The following PRAMEF9 variants were observed in gnomAD, a reference collection of about 807,000 sequenced individuals.
PRAMEF9 encodes the protein PRAME family member 9, also known as PRAME family member 9/15.
PRAMEF9 carries 1 observed loss-of-function variant against 10.9 expected under a neutral mutation model. That is an observed-to-expected ratio of 0.09 (90% CI 0.03 to 0.44). The LOEUF (loss-of-function observed/expected upper bound fraction) is 0.44, where lower values mean the gene tolerates loss of function less well. Ranked by LOEUF, PRAMEF9 falls within the 20% of genes least tolerant of loss-of-function variation. PRAMEF9 has a pLI of 0.97. For synonymous variants in PRAMEF9, 40 were observed against 148.3 expected (o/e 0.27, Z 5.31); for missense variants, 126 against 379.8 (o/e 0.33, Z 5.55).
At chr1:13,172,571 C>G (rs1382143052) in intron 1 of PRAMEF9, 39 bp downstream of exon 1, 11 of 139,886 alleles carry the variant, frequency 7.9e-5, no homozygotes, top group African/African-American at 1.5e-4. Flanking sequence ...CCCATCTGAC[C>G]TACAGTCAGT....
rs1286816303 is a variant in PRAMEF9, at chr1:13,172,211, A to C, written c.-338A>C. The C allele has an allele frequency of 2.8e-5, 4 of 144,620 alleles. 1 individual carries two copies. The Admixed American group carries it at 2.8e-4, about 10-fold the overall frequency. 9.0% of individuals were successfully genotyped at this position (144,620 alleles called of 1,614,324 possible). ...TATTCTTGACTTCTACCCTATCCCT[A>C]ACACTGTCAATTTCTTGCTTCGTGA... is the stretch of plus-strand genomic sequence containing the variant. On this transcript the variant is annotated 5_prime_UTR_variant, in exon 1 of 4. Transcript: ENST00000415919.
chr1:13,178,087 CCTT>C lies in PRAMEF9; in HGVS notation c.876-480_876-478del, dbSNP rs1373191401. The C allele has an allele frequency of 7.3e-5, 3 of 40,872 alleles. 1 individual carries two copies. The highest frequency in any genetic ancestry group is 1.6e-4 in the African/African-American group (3 of 18,990). 2.5% of individuals were successfully genotyped at this position (40,872 alleles called of 1,614,324 possible). On this transcript the variant is annotated intron_variant, in intron 3 of 3. Transcript: ENST00000415919. The stretch of plus-strand genomic sequence containing the variant: ...AGCCTCAAATGGAATTATTTTTTTT[CCTT>C]CTTTTTTTTTAATACAGAGTCTCTC...
In PRAMEF9 at chr1:13,176,979, T is replaced by C; in HGVS notation, c.875+157T>C. ...TCCTGTTGGCGGCCCTGTCCTGAAA[T>C]GGGTATCATGCAACCATCCCAATAG... is the stretch of plus-strand genomic sequence containing the variant. On this transcript the variant is annotated intron_variant, in intron 3 of 3. Transcript: ENST00000415919. 3 of 345,066 alleles carry C rather than the reference T, an allele frequency of 8.7e-6. 1 individual carries two copies. Among genetic ancestry groups the C allele is most frequent in the South Asian group, 8.7e-5 (3 of 34,656 alleles). 21.4% of individuals were successfully genotyped at this position (345,066 alleles called of 1,614,324 possible).
rs1294768436 is a variant in PRAMEF9 at position 13,175,180 on chromosome 1, C to A, written c.-16-85C>A. ...GAGGGCTGTTTCACCATTGCCAGAG[C>A]AGTGAGTTTGGCCATAGGAGAAGAT... On this transcript the variant is annotated intron_variant, in intron 1 of 3. Coordinates refer to ENST00000415919, the MANE Select transcript of PRAMEF9 (RefSeq NM_001010890.3). The A allele has an allele frequency of 4.6e-4, 609 of 1,324,854 alleles. 64 individuals are homozygous for A. Among genetic ancestry groups the A allele is most frequent in the Non-Finnish European group, 2.4e-4 (221 of 939,682 alleles). The allele number at this position is 1,324,854 out of a possible 1,614,324, so 82.1% of individuals were successfully genotyped here. A position where few individuals can be genotyped will look rare whatever the true frequency, so the allele number is the denominator to read the frequency against.
Position 13,179,093 on chromosome 1 carries a change from G to T in PRAMEF9, c.1398G>T (p.Arg466Ser), listed in dbSNP as rs782776658. ...ACAACTGCCCTGACTGTGGCAACAG[G>T]TCATTTTATGACCTGGAGGCAGATC... ...CIDNCPDCGN[R>S]SFYDLEADQY... The change falls in exon 4 of 4, where the codon AGG becomes AGT. Residue 466 changes from arginine to serine, a missense_variant. By Grantham distance (110) the Arg-to-Ser change is moderately radical. Coordinates refer to ENST00000415919, the MANE Select transcript of PRAMEF9 (RefSeq NM_001010890.3). The T allele has an allele frequency of 1.3e-6, 2 of 1,541,208 alleles. No individual in the cohort carries two copies. Among genetic ancestry groups the T allele is most frequent in the Admixed American group, 1.7e-5 (1 of 58,270 alleles).
rs782628774 is a variant in PRAMEF9 at position 13,179,082 on chromosome 1, T to G, written c.1387T>G (p.Cys463Gly). The change falls in exon 4 of 4, where the codon TGT becomes GGT. Residue 463 changes from cysteine (C) to glycine (G), a missense_variant. By Grantham distance (159) the Cys-to-Gly change is radical (BLOSUM62 -3). Coordinates refer to ENST00000415919, the MANE Select transcript of PRAMEF9 (RefSeq NM_001010890.3). ...IFFCIDNCPD[C>G]GNRSFYDLEA... Reference sequence around the variant, plus strand: ...TTTCTGTATTGACAACTGCCCTGACTGTGGCAACAGGTCATTTTATGACCT... The same window carrying G: ...TTTCTGTATTGACAACTGCCCTGACGGTGGCAACAGGTCATTTTATGACCT... 1.9e-6 allele frequency: 3 copies of G among 1,541,336 alleles called. No individual in the cohort carries two copies. Among genetic ancestry groups the G allele is most frequent in the Non-Finnish European group, 2.7e-6 (3 of 1,122,744 alleles).
intron 1 of PRAMEF9, 141 bp from the exon 2 acceptor site, chr1:13,175,124 C>T (rs2100354038): frequency 1.0e-6 from 1 of 1,004,526 alleles, no homozygotes; most frequent in South Asian, 1.5e-5. Context: ...GCTTAATGGC[C>T]ACTGAGTACA....
intron 1 of PRAMEF9, 92 bp from the exon 2 acceptor site, chr1:13,175,173 G>C (rs1638362103): frequency 1.5e-6 from 2 of 1,297,582 alleles, no homozygotes; most frequent in South Asian, 2.5e-5. Context: ...TTTCACCATT[G>C]CCAGAGCAGT....
Position 13,179,089 on chromosome 1 carries a change from A to G in PRAMEF9, c.1394A>G (p.Asn465Ser). ...ATTGACAACTGCCCTGACTGTGGCA[A>G]CAGGTCATTTTATGACCTGGAGGCA... Reference protein sequence around the residue: ...FCIDNCPDCGNRSFYDLEADQ... With the variant: ...FCIDNCPDCGSRSFYDLEADQ... The change falls in exon 4 of 4, where the codon AAC becomes AGC. Residue 465 changes from asparagine (N) to serine (S), a missense_variant. Transcript: ENST00000415919. 6.5e-7 allele frequency: 1 copy of G among 1,541,254 alleles called. No homozygotes were observed. Among genetic ancestry groups the G allele is most frequent in the Non-Finnish European group, 8.9e-7 (1 of 1,122,674 alleles).
At chr1:13,175,143 T>A in intron 1 of PRAMEF9, 122 bp from the exon 2 acceptor site, 2 of 1,198,576 alleles carry the variant, frequency 1.7e-6, no homozygotes, top group South Asian at 2.7e-5. Context: ...CAGAGTAGAA[T>A]TGGAGTAAAC....
At chr1:13,172,863 CCT>C (rs1638343633) in intron 1 of PRAMEF9, 2 of 140,996 alleles carry the variant, frequency 1.4e-5, no homozygotes, top group South Asian at 2.3e-4. Context: ...CAAAAACCCT[CCT>C]CTACACAACG....
At position 13,172,784 on chromosome 1, in the gene PRAMEF9, A is replaced by G. The variant is rs1403638688; in HGVS notation, c.-17+252A>G. On this transcript the variant is annotated intron_variant, in intron 1 of 3. Coordinates refer to ENST00000415919, the MANE Select transcript of PRAMEF9 (RefSeq NM_001010890.3). ...GCAGTGACTCATGCCTTTAACCCCA[A>G]CACTTTGGGAGGCCAAAGTGGGAGG... is the stretch of plus-strand genomic sequence containing the variant. 3 of 140,812 alleles carry G rather than the reference A, an allele frequency of 2.1e-5. No individual in the cohort carries two copies. In the East Asian group the frequency reaches 7.0e-4, roughly 33 times the overall value. The allele number at this position is 140,812 out of a possible 1,614,324, so 8.7% of individuals were successfully genotyped here.
chr1:13,173,285 A>G (rs1638349325), intron 1 of PRAMEF9: 1 of 56,402 alleles, frequency 1.8e-5, no homozygotes, highest in African/African-American at 4.1e-5. Flanking sequence ...TGGGCAAAAG[A>G]GAGACACTCT....
intron 3 of PRAMEF9, 175 bp from the exon 4 acceptor site, chr1:13,178,396 A>G: frequency 6.2e-6 from 3 of 483,218 alleles, no homozygotes; most frequent in East Asian, 5.7e-5. Flanking sequence ...GGTGGAATTG[A>G]CCTCGGTGGC....
In PRAMEF9 at chr1:13,172,220, A is replaced by C. The variant is rs1269445779; in HGVS notation, c.-329A>C. 6.9e-6 allele frequency: 1 copy of C among 144,214 alleles called. No individual in the cohort carries two copies. Among genetic ancestry groups the C allele is most frequent in the Non-Finnish European group, 1.6e-5 (1 of 63,844 alleles). 8.9% of individuals were successfully genotyped at this position (144,214 alleles called of 1,614,324 possible). Reference sequence around the variant, plus strand: ...CTTCTACCCTATCCCTAACACTGTCAATTTCTTGCTTCGTGAAGTGAATAT... The same window carrying C: ...CTTCTACCCTATCCCTAACACTGTCCATTTCTTGCTTCGTGAAGTGAATAT... On this transcript the variant is annotated 5_prime_UTR_variant, in exon 1 of 4. Coordinates refer to ENST00000415919, the MANE Select transcript of PRAMEF9 (RefSeq NM_001010890.3).
Position 13,178,966 on chromosome 1 carries a change from C to G in PRAMEF9, c.1271C>G (p.Ala424Gly), listed in dbSNP as rs553003635. The change falls in exon 4 of 4, where the codon GCT becomes GGT. Residue 424 changes from alanine (A) to glycine (G), a missense_variant. Coordinates refer to ENST00000415919, the MANE Select transcript of PRAMEF9 (RefSeq NM_001010890.3). ...VYPAPRESYG[A>G]DGTLCWSRFA... ...CCTGCCCCGCGGGAGAGTTATGGTG[C>G]TGATGGTACTCTCTGCTGGAGCAGA... The G allele has an allele frequency of 3.2e-6, 5 of 1,539,430 alleles. No homozygotes were observed. Among genetic ancestry groups the G allele is most frequent in the Non-Finnish European group, 4.5e-6 (5 of 1,122,420 alleles).
rs1638324534 is a variant in PRAMEF9 at position 13,172,057 on chromosome 1, T to G, written c.-492T>G. 3 of 143,254 alleles carry G rather than the reference T, an allele frequency of 2.1e-5. No individual in the cohort carries two copies. Among genetic ancestry groups the G allele is most frequent in the African/African-American group, 7.3e-5 (3 of 40,870 alleles). The allele number at this position is 143,254 out of a possible 1,614,324, so 8.9% of individuals were successfully genotyped here. ...AACTGGCTAATTTTTGTAATTTTAG[T>G]AGAGGTAGGGTTTTACCATGTTGGC... On this transcript the variant is annotated 5_prime_UTR_variant, in exon 1 of 4. Transcript: ENST00000415919.
At chr1:13,172,826 G>A (rs1284131141) in intron 1 of PRAMEF9, 1 of 141,642 alleles carries the variant, frequency 7.1e-6, no homozygotes, top group African/African-American at 2.5e-5. Context: ...TCAGCCCAGG[G>A]GTTTGAGACC....
rs1325960158 is a variant in PRAMEF9, at chr1:13,172,386, C to A, written c.-163C>A. Reference sequence around the variant, plus strand: ...TTTGATTGGAAGCTAGCAGCGGATACGTGGAGGGGCGTGGGTGGGAGTTAT... The same window carrying A: ...TTTGATTGGAAGCTAGCAGCGGATAAGTGGAGGGGCGTGGGTGGGAGTTAT... On this transcript the variant is annotated 5_prime_UTR_variant, in exon 1 of 4. Coordinates refer to ENST00000415919, the MANE Select transcript of PRAMEF9 (RefSeq NM_001010890.3). 1 of 143,736 alleles carries A rather than the reference C, an allele frequency of 7.0e-6. No homozygotes were observed. The highest frequency in any genetic ancestry group is 2.2e-4 in the South Asian group (1 of 4,558). The allele number at this position is 143,736 out of a possible 1,614,324, so 8.9% of individuals were successfully genotyped here.
Sources: allele counts gnomAD v4.1 joint callset, GRCh38; gene constraint gnomAD v4.1.1; transcripts MANE v1.5; gene names NCBI Gene and HGNC (gene_info 2026-07-23, HGNC 2026-07-21).